Variants in SLC30A9 observed in about 807,000 individuals in gnomAD.
SLC30A9 encodes the protein proton-coupled zinc antiporter SLC30A9, mitochondrial.
SLC30A9 carries 58 observed loss-of-function variants against 87.5 expected under a neutral mutation model. The observed-to-expected ratio is 0.66, with a 90% CI of 0.54 to 0.82. SLC30A9 has a LOEUF of 0.82. Among genes scored for constraint, SLC30A9 ranks in the 40% least tolerant of loss-of-function variants. SLC30A9 has a pLI of 0.00. For missense variants in SLC30A9, 557 were observed against 679.1 expected (o/e 0.82, Z 2.00); for synonymous variants, 234 against 233.0 (o/e 1.00, Z -0.04).
chr4:42,057,120 T>C (rs1453553678), intron 9 of SLC30A9, among the ~76,000 whole-genome samples: 2 of 152,220 alleles, frequency 1.3e-5, no homozygotes. Flanking sequence ...ATTGAGTGTC[T>C]GTGGCTTTTC....
chr4:42,079,871 C>T (rs527374585), intron 17 of SLC30A9, among the ~76,000 whole-genome samples: 3 of 152,224 alleles, frequency 2.0e-5, no homozygotes, highest in Admixed American at 2.0e-4. Flanking sequence ...CCACCTCAGC[C>T]TCCCAAAGTG....
intron 14 of SLC30A9, among the ~76,000 whole-genome samples, chr4:42,069,376 T>C (rs1020902416): frequency 6.6e-6 from 1 of 152,190 alleles, no homozygotes; most frequent in African/African-American, 2.4e-5. Context: ...TTCTTTCAGC[T>C]AATATTCCTG....
chr4:42,016,807 A>G (rs927707983), intron 2 of SLC30A9, among the ~76,000 whole-genome samples: 5 of 148,878 alleles, frequency 3.4e-5, no homozygotes, highest in South Asian at 2.1e-4. Context: ...CTATCTATCT[A>G]TCTATCTATC....
intron 7 of SLC30A9, among the ~76,000 whole-genome samples, chr4:42,035,871 A>T (rs1021368282): frequency 6.6e-6 from 1 of 152,206 alleles, no homozygotes; most frequent in Non-Finnish European, 1.5e-5. Flanking sequence ...GTAGATATAG[A>T]TGAGGAAGAC....
At chr4:42,068,003 T>C (rs75114239) in intron 14 of SLC30A9, among the ~76,000 whole-genome samples, 3,734 of 152,332 alleles carry the variant, frequency 0.025, 147 homozygotes, top group African/African-American at 0.084. Context: ...TGGTGATAGG[T>C]GTTCCTTACA....
chr4:41,996,768 T>C (rs1714730920), intron 1 of SLC30A9, among the ~76,000 whole-genome samples: 1 of 151,838 alleles, frequency 6.6e-6, no homozygotes, highest in Admixed American at 6.6e-5. Flanking sequence ...GTGCGGTGGC[T>C]CATGCCTGTA....
chr4:42,034,979 T>C (rs2153137012), intron 6 of SLC30A9, among the ~76,000 whole-genome samples: 1 of 152,334 alleles, frequency 6.6e-6, no homozygotes, highest in Admixed American at 6.5e-5. Context: ...GCCATCCTAA[T>C]GGATGTGAGG....
intron 1 of SLC30A9, among the ~76,000 whole-genome samples, chr4:41,999,744 A>G (rs1318471668): frequency 6.6e-6 from 1 of 152,150 alleles, no homozygotes; most frequent in African/African-American, 2.4e-5. Flanking sequence ...ATTAGTCCCA[A>G]TATGTGGACT....
At chr4:42,075,060 T>TATATATATATATA (rs1491178262) in intron 15 of SLC30A9, among the ~76,000 whole-genome samples, 2 of 30,868 alleles carry the variant, frequency 6.5e-5, no homozygotes, top group Non-Finnish European at 1.1e-4. Context: ...TATATATATA[T>TATATATATATATA]TTTTTTTTTT....
intron 8 of SLC30A9, among the ~76,000 whole-genome samples, chr4:42,040,196 ATTTTTGAGCT>A: frequency 6.6e-6 from 1 of 152,252 alleles, no homozygotes; most frequent in South Asian, 2.1e-4. Context: ...TGATGAGTTC[ATTTTTGAGCT>A]GGTGGTATGT....
intron 6 of SLC30A9, chr4:42,029,772 A>C (rs568809762): frequency 1.2e-5 from 9 of 733,018 alleles, no homozygotes; most frequent in South Asian, 1.1e-4. Context: ...TCTAGGCTTC[A>C]AACCTAAGTC....
intron 17 of SLC30A9, among the ~76,000 whole-genome samples, chr4:42,081,542 C>T (rs1163884016): frequency 6.6e-6 from 1 of 152,202 alleles, no homozygotes; most frequent in African/African-American, 2.4e-5. Context: ...CCTTGAACCG[C>T]ACTTTGCAAA....
chr4:42,071,948 A>G (rs1050790451), intron 15 of SLC30A9, among the ~76,000 whole-genome samples: 9 of 150,150 alleles, frequency 6.0e-5, no homozygotes, highest in Middle Eastern at 3.4e-3. Flanking sequence ...TTTTTTGATT[A>G]GTAATTATAT....
At chr4:41,998,462 CTT>C (rs34295020) in intron 1 of SLC30A9, among the ~76,000 whole-genome samples, 7 of 144,950 alleles carry the variant, frequency 4.8e-5, no homozygotes, top group African/African-American at 1.7e-4. Flanking sequence ...TTCAGTAATT[CTT>C]TTTTTTTGTT....
At chr4:42,076,893 T>TG (rs1159085159) in intron 16 of SLC30A9, among the ~76,000 whole-genome samples, 1 of 145,660 alleles carries the variant, frequency 6.9e-6, no homozygotes, top group Non-Finnish European at 1.5e-5. Context: ...ACCTGGGAGT[T>TG]GGAGGTTGCA....
At chr4:42,076,961 C>CAAAAAA (rs36152706) in intron 16 of SLC30A9, among the ~76,000 whole-genome samples, 5 of 29,656 alleles carry the variant, frequency 1.7e-4, no homozygotes, top group African/African-American at 3.8e-4. Flanking sequence ...GACTCCGTCT[C>CAAAAAA]AAAAAAAAAA....
chr4:42,052,159 A>T (rs1054541467), intron 9 of SLC30A9, among the ~76,000 whole-genome samples: 2 of 152,216 alleles, frequency 1.3e-5, no homozygotes, highest in East Asian at 3.9e-4. Flanking sequence ...AATAAATTCC[A>T]TAAGTAGTAT....
At chr4:41,993,431 A>G (rs895905207) in intron 1 of SLC30A9, among the ~76,000 whole-genome samples, 5 of 152,182 alleles carry the variant, frequency 3.3e-5, no homozygotes, top group African/African-American at 4.8e-5. Context: ...ATTTTTACAA[A>G]CCAGTATACA....
At chr4:42,044,842 G>A (rs752219328) in intron 8 of SLC30A9, among the ~76,000 whole-genome samples, 26 of 151,976 alleles carry the variant, frequency 1.7e-4, no homozygotes, top group Non-Finnish European at 3.5e-4. Flanking sequence ...AAATGCAGAA[G>A]AACAGAAATC....
Sources: allele counts gnomAD v4.1 joint callset (sites outside exome capture counted in the v4.1 genomes callset), GRCh38; gene constraint gnomAD v4.1.1; transcripts MANE v1.5; gene names NCBI Gene and HGNC (gene_info 2026-07-23, HGNC 2026-07-21).